Variants in SOAT1 observed in about 807,000 individuals in gnomAD.
The protein encoded by SOAT1 is acyl-coenzyme A:cholesterol acyltransferase 1.
A neutral mutation model predicts 69.5 loss-of-function variants in SOAT1; 55 were observed. The observed-to-expected ratio is 0.79, with a 90% confidence interval of 0.64 to 0.99. The LOEUF is 0.99. Ranked by LOEUF, SOAT1 falls within the 50% of genes least tolerant of loss-of-function variation. SOAT1 has a pLI of 0.00. For missense variants in SOAT1, 580 were observed against 669.3 expected (o/e 0.87, Z 1.47); for synonymous variants, 231 against 224.7 (o/e 1.03, Z -0.25).
At chr1:179,348,513 G>T (rs183346997) in intron 12 of SOAT1, among the ~76,000 whole-genome samples, 1 of 152,090 alleles carries the variant, frequency 6.6e-6, no homozygotes, top group Non-Finnish European at 1.5e-5. Flanking sequence ...TAGGGTAAGG[G>T]GGGTGGGGCT....
At chr1:179,316,848 A>G (rs1234076949) in intron 2 of SOAT1, among the ~76,000 whole-genome samples, 3 of 152,146 alleles carry the variant, frequency 2.0e-5, no homozygotes, top group Admixed American at 1.3e-4. Context: ...CTCATTCTTC[A>G]TGTCTTTCTT....
chr1:179,338,012 G>T lies in SOAT1; in HGVS notation c.389+116G>T. 6.5e-6 allele frequency: 4 copies of T among 611,644 alleles called. No individual in the cohort carries two copies. In the South Asian group the frequency reaches 1.2e-4, roughly 19 times the overall value. The allele number at this position is 611,644 out of a possible 1,614,324, so 37.9% of individuals were successfully genotyped here. A position where few individuals can be genotyped will look rare whatever the true frequency, so the allele number is the denominator to read the frequency against. On this transcript the variant is annotated intron_variant, in intron 5 of 15. Transcript: ENST00000367619. ...TCTGTATCTGTATAAATCATTAGTGGGTTTTTTTCTTCTATGCTCTCTCTT... is the reference window on the plus strand; with the variant it reads ...TCTGTATCTGTATAAATCATTAGTGTGTTTTTTTCTTCTATGCTCTCTCTT...
At position 179,308,938 on chromosome 1, in the gene SOAT1, T is replaced by C. The variant is rs74470362; in HGVS notation, c.118+6136T>C. The stretch of plus-strand genomic sequence containing the variant: ...TTCTTTAAAATACCTGTGTAGTATT[T>C]CTGCTGTACGGATGCTTGGCGGTTT... On this transcript the variant is annotated intron_variant, in intron 2 of 15. Coordinates refer to ENST00000367619, the MANE Select transcript of SOAT1 (RefSeq NM_003101.6). Among the ~76,000 whole-genome samples the C allele has an allele frequency of 7.1e-3, 1,080 of 152,332 alleles. 12 individuals carry two copies. Among genetic ancestry groups the C allele is most frequent in the African/African-American group, 0.024 (993 of 41,574 alleles).
At chr1:179,295,262 T>C (rs10913708) in intron 1 of SOAT1, among the ~76,000 whole-genome samples, 38,639 of 152,074 alleles carry the variant, frequency 0.25, 5,123 homozygotes, top group East Asian at 0.46. Flanking sequence ...TCTTGGCTTT[T>C]AGGAGTTTCC....
At chr1:179,316,108 T>C (rs140345707) in intron 2 of SOAT1, among the ~76,000 whole-genome samples, 8 of 152,320 alleles carry the variant, frequency 5.3e-5, no homozygotes, top group South Asian at 4.1e-4. Flanking sequence ...TTCTCTGTTA[T>C]GTGGTCCTTT....
At chr1:179,325,749 G>A (rs975559418) in intron 3 of SOAT1, among the ~76,000 whole-genome samples, 1 of 152,164 alleles carries the variant, frequency 6.6e-6, no homozygotes, top group African/African-American at 2.4e-5. Context: ...GGAGTTTGGG[G>A]TGGAAAGTAG....
rs1666599985 is a variant in SOAT1, at chr1:179,348,221, C to CTTAA, written c.1215+524_1215+525insTTAA. On this transcript the variant is annotated intron_variant, in intron 12 of 15. Transcript: ENST00000367619. ...AGAATGGCTCATAGCATTCTTTAAC[C>CTTAA]CTACCTAAAGCTCTCTTTGAGTTGT... is the stretch of plus-strand genomic sequence containing the variant. 2.0e-5 allele frequency among the ~76,000 whole-genome samples: 3 copies of CTTAA among 152,154 alleles called. No homozygotes were observed. In the South Asian group the frequency reaches 6.2e-4, roughly 31 times the overall value.
Position 179,353,986 on chromosome 1 carries a change from A to G in SOAT1, c.*345A>G. On this transcript the variant is annotated 3_prime_UTR_variant, in exon 16 of 16. Transcript: ENST00000367619. Reference sequence around the variant, plus strand: ...TCTGTCCAATCAGAGAATAAACATCATAGTTTCTTGGCCACTGAATTAGCC... The same window carrying G: ...TCTGTCCAATCAGAGAATAAACATCGTAGTTTCTTGGCCACTGAATTAGCC... 4.7e-6 allele frequency: 1 copy of G among 214,000 alleles called. No homozygotes were observed. Among genetic ancestry groups the G allele is most frequent in the East Asian group, 1.3e-4 (1 of 7,592 alleles). 13.3% of individuals were successfully genotyped at this position (214,000 alleles called of 1,614,324 possible).
chr1:179,351,262 T>G, intron 14 of SOAT1, 55 bp from the exon 15 acceptor site: 1 of 1,531,650 alleles, frequency 6.5e-7, no homozygotes, highest in Non-Finnish European at 9.0e-7. Flanking sequence ...CAGGCTGGTC[T>G]CGAACTTCTG....
intron 11 of SOAT1, 63 bp from the exon 12 acceptor site, chr1:179,347,537 A>G: frequency 2.3e-6 from 2 of 883,348 alleles, no homozygotes; most frequent in South Asian, 1.4e-5. Flanking sequence ...GATGTGATAT[A>G]ATTAGTTGCT....
At position 179,351,374 on chromosome 1, in the gene SOAT1, T is replaced by G; in HGVS notation, c.1508T>G (p.Met503Arg). The stretch of plus-strand genomic sequence containing the variant: ...AAAAAGCCGATTTGGAATGTTCTGA[T>G]GTGGACTTCTCTTTTCTTGGGCAAT... ...SRKKPIWNVL[M>R]WTSLFLGNGV... The change falls in exon 15 of 16, where the codon ATG becomes AGG. Residue 503 changes from methionine (M) to arginine (R), a missense_variant. Physicochemically the swap from Met to Arg is moderately conservative, Grantham distance 91. Transcript: ENST00000367619. 6.2e-7 allele frequency: 1 copy of G among 1,614,160 alleles called. No individual in the cohort carries two copies. The highest frequency in any genetic ancestry group is 8.5e-7 in the Non-Finnish European group (1 of 1,179,978).
intron 10 of SOAT1, among the ~76,000 whole-genome samples, chr1:179,344,657 A>C (rs1666463304): frequency 2.0e-5 from 3 of 152,132 alleles, no homozygotes. Flanking sequence ...TACAAGCGTG[A>C]GCCACTGTGC....
At chr1:179,308,083 C>T (rs565128418) in intron 2 of SOAT1, among the ~76,000 whole-genome samples, 1 of 152,180 alleles carries the variant, frequency 6.6e-6, no homozygotes, top group Non-Finnish European at 1.5e-5. Context: ...AGCCACTGCG[C>T]CTGGCCTCAT....
At chr1:179,341,499 C>G (rs76161646) in intron 7 of SOAT1, among the ~76,000 whole-genome samples, 189 bp downstream of exon 7, 4,394 of 151,566 alleles carry the variant, frequency 0.029, 207 homozygotes, top group African/African-American at 0.1. Context: ...TTGTAGCTTC[C>G]ATGTTCTCTG....
chr1:179,315,166 T>C (rs1186262282), intron 2 of SOAT1, among the ~76,000 whole-genome samples: 2 of 152,116 alleles, frequency 1.3e-5, no homozygotes, highest in African/African-American at 4.8e-5. Context: ...TGGATGTGGG[T>C]GGGGATGGTG....
intron 13 of SOAT1, among the ~76,000 whole-genome samples, chr1:179,349,910 C>G (rs1490670756): frequency 6.6e-6 from 1 of 152,146 alleles, no homozygotes; most frequent in African/African-American, 2.4e-5. Flanking sequence ...AGGCAAGTCC[C>G]TTTTCTCCTT....
intron 15 of SOAT1, among the ~76,000 whole-genome samples, chr1:179,352,296 A>T (rs1666766804): frequency 6.6e-6 from 1 of 151,206 alleles, no homozygotes; most frequent in Non-Finnish European, 1.5e-5. Flanking sequence ...ACAGTATAGG[A>T]CATAGGAATT....
chr1:179,306,172 G>T (rs1210574871), intron 2 of SOAT1, among the ~76,000 whole-genome samples: 1 of 152,126 alleles, frequency 6.6e-6, no homozygotes, highest in Non-Finnish European at 1.5e-5. Flanking sequence ...TTCATGGATA[G>T]GAGTATAGAG....
At chr1:179,312,389 A>G (rs537967852) in intron 2 of SOAT1, among the ~76,000 whole-genome samples, 1 of 152,262 alleles carries the variant, frequency 6.6e-6, no homozygotes, top group South Asian at 2.1e-4. Flanking sequence ...GGTTAAGAAA[A>G]CTGGAAAACC....
Sources: gnomAD v4.1 joint callset for allele counts (sites outside exome capture counted in the v4.1 genomes callset) on GRCh38, gnomAD v4.1.1 for gene constraint, MANE v1.5 for transcripts, NCBI Gene and HGNC (gene_info 2026-07-23, HGNC 2026-07-21) for gene names.